The following EYS variants were observed in gnomAD, a reference collection of about 807,000 sequenced individuals.
EYS encodes EGF-like photoreceptor maintenance factor.
In EYS, 250 loss-of-function variants were observed where a neutral mutation model predicts 282.1. That is an observed-to-expected ratio of 0.89 (90% CI 0.80 to 0.98). The LOEUF is 0.98. Among genes scored for constraint, EYS ranks in the 50% least tolerant of loss-of-function variants. The pLI, the probability that EYS is intolerant of heterozygous loss-of-function variation, is 0.00. For missense variants in EYS, 4,016 were observed against 3,709.0 expected (o/e 1.08, Z -2.15); for synonymous variants, 1,355 against 1,282.9 (o/e 1.06, Z -1.20).
At chr6:63,803,292 T>C (rs965871930) in intron 37 of EYS, among the ~76,000 whole-genome samples, 2 of 151,820 alleles carry the variant, frequency 1.3e-5, no homozygotes, top group African/African-American at 2.4e-5. Flanking sequence ...TTGATAAATA[T>C]ATGATAAGTG....
At chr6:64,147,076 G>A (rs549059061) in intron 31 of EYS, among the ~76,000 whole-genome samples, 5 of 152,134 alleles carry the variant, frequency 3.3e-5, no homozygotes, top group Non-Finnish European at 4.4e-5. Context: ...CTAAGTCAAT[G>A]AGTCATCTAC....
At chr6:64,278,211 A>G (rs1163628450) in intron 30 of EYS, among the ~76,000 whole-genome samples, 1 of 152,142 alleles carries the variant, frequency 6.6e-6, no homozygotes, top group Non-Finnish European at 1.5e-5. Context: ...CTTAAAGAAC[A>G]TTTCTGAATT....
intron 30 of EYS, among the ~76,000 whole-genome samples, chr6:64,302,195 C>G (rs1561917210): frequency 1.3e-5 from 2 of 152,108 alleles, no homozygotes; most frequent in Non-Finnish European, 2.9e-5. Flanking sequence ...ACCAAGCCAC[C>G]CAATCACATC....
In EYS at chr6:63,806,189, C is replaced by T; in HGVS notation, c.7411+1G>A. Reference sequence around the variant, plus strand: ...GTCCTAGAGGGTTCAGTTAATCTTACCATGGCCTTTCTGTCCAGTAAAAAA... The same window carrying T: ...GTCCTAGAGGGTTCAGTTAATCTTATCATGGCCTTTCTGTCCAGTAAAAAA... On this transcript the variant is annotated splice_donor_variant, in intron 37 of 42. Transcript: ENST00000503581. LOFTEE classifies it high-confidence loss of function. 2 of 1,550,610 alleles carry T rather than the reference C, an allele frequency of 1.3e-6. No individual in the cohort carries two copies. The highest frequency in any genetic ancestry group is 1.2e-5 in the South Asian group (1 of 83,928).
chr6:65,079,030 G>C (rs1774144819), intron 12 of EYS, among the ~76,000 whole-genome samples: 1 of 151,748 alleles, frequency 6.6e-6, no homozygotes, highest in African/African-American at 2.4e-5. Context: ...TTTCTGTTCA[G>C]CCTGCAGAAC....
chr6:65,148,510 G>A (rs571629093), intron 12 of EYS, among the ~76,000 whole-genome samples: 1 of 152,232 alleles, frequency 6.6e-6, no homozygotes, highest in East Asian at 1.9e-4. Context: ...GCTTTTCAGG[G>A]TACCGTGCCC....
chr6:64,217,298 A>G (rs1582440629), intron 31 of EYS, among the ~76,000 whole-genome samples: 2 of 152,022 alleles, frequency 1.3e-5, no homozygotes, highest in South Asian at 4.1e-4. Context: ...GGAGGCCAAG[A>G]CAGGCGGATC....
intron 31 of EYS, among the ~76,000 whole-genome samples, chr6:64,106,173 A>G (rs767866268): frequency 1.3e-5 from 2 of 151,942 alleles, no homozygotes; most frequent in Non-Finnish European, 2.9e-5. Context: ...TTAATGGAGT[A>G]TTTTATGTGA....
At chr6:64,550,185 C>T (rs186060630) in intron 26 of EYS, among the ~76,000 whole-genome samples, 10 of 152,088 alleles carry the variant, frequency 6.6e-5, no homozygotes, top group East Asian at 5.8e-4. Flanking sequence ...TGAATAGTGG[C>T]GCAATAAACA....
intron 28 of EYS, chr6:64,412,926 G>A (rs1394447159): frequency 6.6e-6 from 1 of 152,080 alleles, no homozygotes; most frequent in African/African-American, 2.4e-5. Context: ...CAAAATTTTG[G>A]ATGGAGAAGT....
intron 12 of EYS, among the ~76,000 whole-genome samples, chr6:65,130,742 C>T (rs1183491617): frequency 6.6e-6 from 1 of 150,674 alleles, no homozygotes; most frequent in African/African-American, 2.4e-5. Context: ...GTACAACAAA[C>T]CCCTATGACA....
intron 26 of EYS, among the ~76,000 whole-genome samples, chr6:64,580,673 A>G (rs1766033269): frequency 6.6e-6 from 1 of 152,204 alleles, no homozygotes; most frequent in Non-Finnish European, 1.5e-5. Flanking sequence ...AAAATAGAGG[A>G]AAGAAAATAA....
chr6:65,274,836 G>T (rs900081290), intron 12 of EYS, among the ~76,000 whole-genome samples: 50 of 151,932 alleles, frequency 3.3e-4, no homozygotes, highest in African/African-American at 1.1e-3. Context: ...GGGTCCATAG[G>T]TCCTGTCAAG....
intron 2 of EYS, among the ~76,000 whole-genome samples, chr6:65,585,311 G>T (rs1404930694): frequency 1.3e-5 from 2 of 151,752 alleles, no homozygotes; most frequent in African/African-American, 4.8e-5. Flanking sequence ...CTCTGACAAA[G>T]CACAATTATT....
chr6:63,743,742 G>C (rs1769141435), intron 41 of EYS, among the ~76,000 whole-genome samples: 1 of 152,160 alleles, frequency 6.6e-6, no homozygotes, highest in South Asian at 2.1e-4. Context: ...CTAAGATTCT[G>C]GGAGACATTG....
chr6:64,897,891 A>G (rs902796905), intron 18 of EYS, among the ~76,000 whole-genome samples: 6 of 152,354 alleles, frequency 3.9e-5, no homozygotes, highest in African/African-American at 1.4e-4. Flanking sequence ...TAAAGCAAGA[A>G]GACAAGATTA....
At chr6:64,633,891 C>G (rs1452785819) in intron 22 of EYS, among the ~76,000 whole-genome samples, 1 of 152,106 alleles carries the variant, frequency 6.6e-6, no homozygotes, top group East Asian at 1.9e-4. Flanking sequence ...TGAGTGCAAC[C>G]TCCTGAAATA....
At chr6:64,309,733 G>C (rs549592703) in intron 29 of EYS, among the ~76,000 whole-genome samples, 2 of 152,106 alleles carry the variant, frequency 1.3e-5, no homozygotes, top group East Asian at 3.9e-4. Context: ...TTGGGAGGCC[G>C]AGGCACGTGG....
intron 41 of EYS, among the ~76,000 whole-genome samples, chr6:63,742,330 G>C (rs1388849818): frequency 6.6e-6 from 1 of 152,084 alleles, no homozygotes; most frequent in South Asian, 2.1e-4. Flanking sequence ...GCTACAGCCA[G>C]CCTCTTGGCT....
Sources: allele counts gnomAD v4.1 joint callset (sites outside exome capture counted in the v4.1 genomes callset), GRCh38; gene constraint gnomAD v4.1.1; transcripts MANE v1.5; gene names NCBI Gene and HGNC (gene_info 2026-07-23, HGNC 2026-07-21).